VSTM2L: variants seen among roughly 807,000 people sequenced by gnomAD.
VSTM2L encodes V-set and transmembrane domain containing 2 like, also known as V-set and transmembrane domain-containing protein 2-like protein.
Under a neutral mutation model 19.9 loss-of-function variants are expected in VSTM2L, and 9 were observed. The ratio of observed to expected loss-of-function variants is 0.45; its 90% CI spans 0.27 to 0.79. VSTM2L has a LOEUF of 0.79. Ranked by LOEUF, VSTM2L falls within the 30% of genes least tolerant of loss-of-function variation. VSTM2L has a pLI of 0.15. For synonymous variants in VSTM2L, 127 were observed against 133.8 expected, an observed-to-expected ratio of 0.95 and a Z score of 0.35; for missense variants, 286 against 295.5, an observed-to-expected ratio of 0.97 and a Z score of 0.24.
chr20:37,916,748 G>C (rs954601764), intron 1 of VSTM2L, among the ~76,000 whole-genome samples: 4 of 152,202 alleles, frequency 2.6e-5, no homozygotes, highest in African/African-American at 9.7e-5. Context: ...TCTATGAAAA[G>C]TAATGAATTA....
intron 3 of VSTM2L, among the ~76,000 whole-genome samples, chr20:37,936,239 G>A (rs1343989322): frequency 6.6e-6 from 1 of 151,908 alleles, no homozygotes; most frequent in Admixed American, 6.6e-5. Flanking sequence ...CCGGTGACAT[G>A]ACGTGAACGA....
rs11697701 is a variant in VSTM2L, at chr20:37,942,524, C to T, written c.343-1457C>T. Among the ~76,000 whole-genome samples, 622 of 152,266 alleles carry T rather than the reference C, an allele frequency of 4.1e-3. 5 individuals are homozygous for T. Among genetic ancestry groups the T allele is most frequent in the Non-Finnish European group, 7.5e-3 (513 of 68,020 alleles). ...CAGGCAGCAACATGGAGAAATCTCA[C>T]CGATAACAGGTTGTGTCGAAAAAGC... On this transcript the variant is annotated intron_variant, in intron 3 of 3. Transcript: ENST00000373461.
Position 37,938,981 on chromosome 20 carries a change from A to G in VSTM2L, c.343-5000A>G, listed in dbSNP as rs376968513. ...GACCGATCTGTAGTTTATTGTTCAG[A>G]AGGCTCCCAGAGGGGTGGGTAAGGT... is the stretch of plus-strand genomic sequence containing the variant. On this transcript the variant is annotated intron_variant, in intron 3 of 3. Coordinates refer to ENST00000373461, the MANE Select transcript of VSTM2L (RefSeq NM_080607.3). Among the ~76,000 whole-genome samples the G allele has an allele frequency of 2.0e-5, 3 of 152,118 alleles. No individual in the cohort carries two copies. In the East Asian group the frequency reaches 5.8e-4, roughly 29 times the overall value.
At chr20:37,938,274 A>G (rs1347182446) in intron 3 of VSTM2L, among the ~76,000 whole-genome samples, 2 of 152,300 alleles carry the variant, frequency 1.3e-5, no homozygotes, top group South Asian at 2.1e-4. Flanking sequence ...TGGTGATTGC[A>G]GAGTTTGGCT....
intron 3 of VSTM2L, among the ~76,000 whole-genome samples, chr20:37,937,157 G>A (rs2072945539): frequency 6.6e-6 from 1 of 152,132 alleles, no homozygotes; most frequent in African/African-American, 2.4e-5. Context: ...GGAGGCAGAG[G>A]CTGCAGTGAG....
At chr20:37,943,437 T>C (rs1299900739) in intron 3 of VSTM2L, among the ~76,000 whole-genome samples, 3 of 151,370 alleles carry the variant, frequency 2.0e-5, no homozygotes, top group Non-Finnish European at 4.4e-5. Context: ...ATTTTTTTTT[T>C]TTTTTTTTTT....
At chr20:37,930,173 T>C (rs1194418583) in intron 1 of VSTM2L, among the ~76,000 whole-genome samples, 1 of 152,092 alleles carries the variant, frequency 6.6e-6, no homozygotes, top group East Asian at 1.9e-4. Flanking sequence ...ACTGTTCAAG[T>C]AGGGCTGCAC....
Sources: allele counts gnomAD v4.1 joint callset (sites outside exome capture counted in the v4.1 genomes callset), GRCh38; gene constraint gnomAD v4.1.1; transcripts MANE v1.5; gene names NCBI Gene and HGNC (gene_info 2026-07-23, HGNC 2026-07-21).